The following ARL3 variants were observed in gnomAD, a reference collection of about 807,000 sequenced individuals.
ARL3 encodes ADP-ribosylation factor-like protein 3.
Under a neutral mutation model 26.0 loss-of-function variants are expected in ARL3, and 9 were observed. The ratio of observed to expected loss-of-function variants is 0.35; its 90% CI spans 0.21 to 0.60. ARL3 has a LOEUF of 0.60. Ranked by LOEUF, ARL3 falls within the 20% of genes least tolerant of loss-of-function variation. The pLI is 0.78. For missense variants in ARL3, 158 were observed against 215.7 expected (o/e 0.73, Z 1.67); for synonymous variants, 71 against 78.4 (o/e 0.91, Z 0.50).
chr10:102,683,754 G>A (rs1048899978), intron 5 of ARL3, among the ~76,000 whole-genome samples: 1 of 152,044 alleles, frequency 6.6e-6, no homozygotes, highest in Non-Finnish European at 1.5e-5. Context: ...CACTGTCTAC[G>A]GTGGTTACAC....
chr10:102,707,154 C>T (rs1025885735), intron 1 of ARL3, among the ~76,000 whole-genome samples: 2 of 151,894 alleles, frequency 1.3e-5, no homozygotes, highest in African/African-American at 4.8e-5. Context: ...ACAAATAAGC[C>T]AGGCATGGTG....
intron 4 of ARL3, among the ~76,000 whole-genome samples, chr10:102,688,995 A>G (rs1211978742): frequency 1.3e-5 from 2 of 152,188 alleles, no homozygotes; most frequent in Non-Finnish European, 2.9e-5. Context: ...TATCTCATAT[A>G]TTCAATTTGA....
chr10:102,705,976 A>C (rs1450369636), intron 1 of ARL3, among the ~76,000 whole-genome samples: 2 of 152,174 alleles, frequency 1.3e-5, no homozygotes, highest in Non-Finnish European at 2.9e-5. Context: ...AAGTTAACAC[A>C]CGATTTTAAG....
chr10:102,677,753 A>G (rs2064137444), intron 5 of ARL3, among the ~76,000 whole-genome samples: 2 of 152,160 alleles, frequency 1.3e-5, no homozygotes, highest in Admixed American at 6.5e-5. Context: ...AGTCTCCCCA[A>G]CCTTCAAGAG....
intron 1 of ARL3, among the ~76,000 whole-genome samples, chr10:102,708,904 ATATATTT>A (rs2064323498): frequency 9.2e-6 from 1 of 109,080 alleles, no homozygotes; most frequent in African/African-American, 3.5e-5. Flanking sequence ...ATATATATAT[ATATATTT>A]TTTTTTTTTT....
At chr10:102,709,620 C>T (rs1300307180) in intron 1 of ARL3, among the ~76,000 whole-genome samples, 1 of 121,990 alleles carries the variant, frequency 8.2e-6, no homozygotes, top group Non-Finnish European at 1.6e-5. Context: ...GCATTATGGG[C>T]TAGGTGACAG....
At chr10:102,680,661 G>A (rs1217444622) in intron 5 of ARL3, among the ~76,000 whole-genome samples, 1 of 152,136 alleles carries the variant, frequency 6.6e-6, no homozygotes, top group African/African-American at 2.4e-5. Context: ...TTTGATCTCT[G>A]TACATTGCAT....
chr10:102,682,993 C>T (rs1008217121), intron 5 of ARL3, among the ~76,000 whole-genome samples: 6 of 152,108 alleles, frequency 3.9e-5, no homozygotes, highest in Non-Finnish European at 8.8e-5. Flanking sequence ...TCAAACCATT[C>T]GATCTTTATT....
chr10:102,711,433 T>A (rs181451149), intron 1 of ARL3, among the ~76,000 whole-genome samples: 2 of 151,778 alleles, frequency 1.3e-5, no homozygotes, highest in Admixed American at 6.6e-5. Context: ...TGTATATACA[T>A]AACACTGCAC....
intron 5 of ARL3, among the ~76,000 whole-genome samples, chr10:102,681,032 A>G (rs2064153884): frequency 6.6e-6 from 1 of 152,224 alleles, no homozygotes; most frequent in Non-Finnish European, 1.5e-5. Context: ...AAGCAGTTCC[A>G]TATACACCTG....
At chr10:102,699,229 T>G (rs761887246) in intron 3 of ARL3, 144 bp downstream of exon 3, 4 of 652,252 alleles carry the variant, frequency 6.1e-6, no homozygotes, top group South Asian at 5.0e-5. Flanking sequence ...CTTTATAATC[T>G]GTAGCCTTCT....
chr10:102,681,390 C>A, intron 5 of ARL3, among the ~76,000 whole-genome samples: 1 of 21,058 alleles, frequency 4.7e-5, no homozygotes, highest in African/African-American at 1.7e-4. Context: ...GAAACTCCAT[C>A]TCAAAAAAAA....
chr10:102,714,312 C>A lies in ARL3; in HGVS notation c.-37G>T. On this transcript the variant is annotated 5_prime_UTR_variant, in exon 1 of 6. Transcript: ENST00000260746. ...GTCCCTCCTCCTCCTCCTCCTCCTG[C>A]TGCCTCCCCCGTTACCAGGGGCAAC... is the stretch of plus-strand genomic sequence containing the variant. 1 of 1,308,024 alleles carries A rather than the reference C, an allele frequency of 7.6e-7. No individual in the cohort carries two copies. Among genetic ancestry groups the A allele is most frequent in the Non-Finnish European group, 9.8e-7 (1 of 1,020,194 alleles). 81.0% of individuals were successfully genotyped at this position (1,308,024 alleles called of 1,614,324 possible).
chr10:102,706,628 GCAAAA>G, intron 1 of ARL3, among the ~76,000 whole-genome samples: 1 of 151,974 alleles, frequency 6.6e-6, no homozygotes, highest in African/African-American at 2.4e-5. Flanking sequence ...CATCCATGAA[GCAAAA>G]CAAAACAAAA....
chr10:102,713,811 G>A (rs1214905776), intron 1 of ARL3, among the ~76,000 whole-genome samples: 1 of 152,210 alleles, frequency 6.6e-6, no homozygotes, highest in Non-Finnish European at 1.5e-5. Flanking sequence ...CCCTGCTACC[G>A]CCAGGGCGAC....
chr10:102,699,848 T>C (rs1471816899), intron 2 of ARL3, among the ~76,000 whole-genome samples: 2 of 152,078 alleles, frequency 1.3e-5, no homozygotes, highest in East Asian at 1.9e-4. Context: ...GGACATTTCA[T>C]GTAACTAACA....
chr10:102,702,974 T>C (rs534761685), intron 2 of ARL3, among the ~76,000 whole-genome samples: 1 of 152,294 alleles, frequency 6.6e-6, no homozygotes, highest in African/African-American at 2.4e-5. Context: ...CTAAAACCTC[T>C]AACCTTTAAT....
At chr10:102,708,908 A>ATATAGATATATATATTT in intron 1 of ARL3, among the ~76,000 whole-genome samples, 1 of 95,350 alleles carries the variant, frequency 1.0e-5, no homozygotes, top group African/African-American at 4.2e-5. Flanking sequence ...ATATATATAT[A>ATATAGATATATATATTT]TTTTTTTTTT....
At chr10:102,689,968 T>A in intron 3 of ARL3, 25 bp from the exon 4 acceptor site, 1 of 1,520,714 alleles carries the variant, frequency 6.6e-7, no homozygotes, top group Non-Finnish European at 9.0e-7. Flanking sequence ...AAGAAGGTTA[T>A]TTCAGTGAGC....
Sources: allele counts gnomAD v4.1 joint callset (sites outside exome capture counted in the v4.1 genomes callset), GRCh38; gene constraint gnomAD v4.1.1; transcripts MANE v1.5; gene names NCBI Gene and HGNC (gene_info 2026-07-23, HGNC 2026-07-21).